Variants in MMP26 observed in about 807,000 individuals in gnomAD.
The protein encoded by MMP26 is matrix metallopeptidase 26, also known as matrix metalloproteinase-26.
A neutral mutation model predicts 31.0 loss-of-function variants in MMP26; 33 were observed. That is an observed-to-expected ratio of 1.06 (90% CI 0.81 to 1.42). The LOEUF (loss-of-function observed/expected upper bound fraction) is 1.42, where lower values mean the gene tolerates loss of function less well. MMP26 is among the 40% of genes most tolerant of loss of function. The pLI, the probability that MMP26 is intolerant of heterozygous loss-of-function variation, is 0.00. For missense variants in MMP26, 347 were observed against 316.1 expected, an observed-to-expected ratio of 1.10 and a Z score of -0.74; for synonymous variants, 122 against 114.9, an observed-to-expected ratio of 1.06 and a Z score of -0.40.
intron 1 of MMP26, among the ~76,000 whole-genome samples, chr11:4,746,831 T>TCTCACACACACA (rs1001819512): frequency 7.3e-6 from 1 of 137,218 alleles, no homozygotes; most frequent in African/African-American, 2.8e-5. Flanking sequence ...TAAGTCTCTG[T>TCTCACACACACA]CACACACACA....
At position 4,845,728 on chromosome 11, in the gene MMP26, G is replaced by T. The variant is rs78850393; in HGVS notation, c.-145+78387G>T. ...AGGATTAATAACTAGAATATATAAG[G>T]AGCTCTACAACTCCACATGGAAAAA... On this transcript the variant is annotated intron_variant, in intron 2 of 7. Coordinates refer to ENST00000380390, the MANE Select transcript of MMP26 (RefSeq NM_021801.5). Among the ~76,000 whole-genome samples the T allele has an allele frequency of 8.1e-3, 1,237 of 152,122 alleles. 21 individuals are homozygous for T. The highest frequency in any genetic ancestry group is 0.029 in the African/African-American group (1,187 of 41,512).
intron 2 of MMP26, among the ~76,000 whole-genome samples, chr11:4,868,866 A>G (rs530218705): frequency 6.6e-6 from 1 of 152,324 alleles, no homozygotes; most frequent in South Asian, 2.1e-4. Context: ...GTACCAAAAC[A>G]GAGATACAGA....
chr11:4,860,108 G>A (rs1313421952), intron 2 of MMP26: 10 of 470,932 alleles, frequency 2.1e-5, no homozygotes, highest in Middle Eastern at 3.2e-4. Flanking sequence ...CAGACTGCCC[G>A]GGTGAGGACA....
chr11:4,907,979 C>T (rs866063215), intron 2 of MMP26: 1 of 1,614,170 alleles, frequency 6.2e-7, no homozygotes, highest in Middle Eastern at 1.6e-4. Flanking sequence ...CTTCATTGCT[C>T]TCTGTACTAT....
chr11:4,799,409 T>A (rs1284156423), intron 2 of MMP26, among the ~76,000 whole-genome samples: 1 of 151,922 alleles, frequency 6.6e-6, no homozygotes, highest in Admixed American at 6.6e-5. Flanking sequence ...AGCTCTCACA[T>A]GAACTAACTG....
chr11:4,742,064 T>C lies in MMP26; in HGVS notation c.-216-25206T>C, dbSNP rs73390864. ...AGAAACCCTGCTCTAACGCACAGCATGAGCCAGAAATGGAGCAGTGGTGAG... is the reference window on the plus strand; with the variant it reads ...AGAAACCCTGCTCTAACGCACAGCACGAGCCAGAAATGGAGCAGTGGTGAG... On this transcript the variant is annotated intron_variant, in intron 1 of 7. Coordinates refer to ENST00000380390, the MANE Select transcript of MMP26 (RefSeq NM_021801.5). 4.5e-3 allele frequency among the ~76,000 whole-genome samples: 681 copies of C among 152,302 alleles called. 4 individuals carry two copies. Among genetic ancestry groups the C allele is most frequent in the African/African-American group, 0.015 (610 of 41,570 alleles).
intron 2 of MMP26, among the ~76,000 whole-genome samples, chr11:4,920,210 C>A (rs899733260): frequency 1.3e-5 from 2 of 152,088 alleles, no homozygotes; most frequent in East Asian, 3.9e-4. Flanking sequence ...GAAACCTAAG[C>A]CTTCTTCTCT....
rs1847754124 is a variant in MMP26, at chr11:4,704,837, C to T, written c.-425C>T. 6.6e-6 allele frequency: 1 copy of T among 152,144 alleles called. No homozygotes were observed. 9.4% of individuals were successfully genotyped at this position (152,144 alleles called of 1,614,324 possible). A position where few individuals can be genotyped will look rare whatever the true frequency, so the allele number is the denominator to read the frequency against. ...ATGTTTTCTCCTGGCAGAAGAGGACCTCTTTGTCCAGGGGCAGGGCTGATC... is the reference window on the plus strand; with the variant it reads ...ATGTTTTCTCCTGGCAGAAGAGGACTTCTTTGTCCAGGGGCAGGGCTGATC... On this transcript the variant is annotated 5_prime_UTR_variant, in exon 1 of 8. Transcript: ENST00000380390.
chr11:4,804,008 A>G (rs1347009938), intron 2 of MMP26: 1 of 1,613,992 alleles, frequency 6.2e-7, no homozygotes, highest in Non-Finnish European at 8.5e-7. Flanking sequence ...GCCACGTAGC[A>G]GTCCAGGGCC....
rs1225740947 is a variant in MMP26, at chr11:4,949,749, C to G, written c.-144-38319C>G. On this transcript the variant is annotated intron_variant, in intron 2 of 7. Transcript: ENST00000380390. The stretch of plus-strand genomic sequence containing the variant: ...GAAATATGATATAAAATAATGTCAT[C>G]AAAGCAGAAATTTCATTCCTTAACA... Among the ~76,000 whole-genome samples, 5 of 123,048 alleles carry G rather than the reference C, an allele frequency of 4.1e-5. 2 individuals carry two copies. Among genetic ancestry groups the G allele is most frequent in the Non-Finnish European group, 9.2e-5 (5 of 54,156 alleles). 80.7% of individuals were successfully genotyped at this position (123,048 alleles called of 152,430 possible). A position where few individuals can be genotyped will look rare whatever the true frequency, so the allele number is the denominator to read the frequency against.
At chr11:4,893,273 T>C (rs1850654373) in intron 2 of MMP26, among the ~76,000 whole-genome samples, 1 of 152,180 alleles carries the variant, frequency 6.6e-6, no homozygotes, top group Non-Finnish European at 1.5e-5. Flanking sequence ...AATATTTAAT[T>C]ATAAAATCCT....
At chr11:4,990,009 A>G (rs780860348) in intron 4 of MMP26, 141 bp downstream of exon 4, 5 of 642,590 alleles carry the variant, frequency 7.8e-6, no homozygotes, top group Non-Finnish European at 1.4e-5. Context: ...CCCTCAGAGA[A>G]GGTAATACTA....
chr11:4,768,070 TGTGA>T (rs377099967), intron 2 of MMP26, among the ~76,000 whole-genome samples: 28,266 of 152,224 alleles, frequency 0.19, 4,002 homozygotes, highest in African/African-American at 0.4. Flanking sequence ...TAATGGCATT[TGTGA>T]AAACTGTGAA....
At chr11:4,907,664 G>T (rs1385513404) in intron 2 of MMP26, 2 of 1,613,976 alleles carry the variant, frequency 1.2e-6, no homozygotes, top group Admixed American at 3.3e-5. Flanking sequence ...TGCCTGCTTT[G>T]CTCAAGAATT....
chr11:4,852,503 C>T (rs373308472), intron 2 of MMP26, among the ~76,000 whole-genome samples: 86 of 152,166 alleles, frequency 5.7e-4, no homozygotes, highest in African/African-American at 1.9e-3. Context: ...ATTCATTTCT[C>T]AAATCAATAA....
intron 2 of MMP26, chr11:4,909,239 A>G (rs1850953740): frequency 6.6e-6 from 1 of 152,128 alleles, no homozygotes; most frequent in South Asian, 2.1e-4. Flanking sequence ...TTATATTTTA[A>G]ACTTTTTTTC....
intron 1 of MMP26, among the ~76,000 whole-genome samples, chr11:4,721,504 C>T (rs1848013131): frequency 6.6e-6 from 1 of 152,206 alleles, no homozygotes; most frequent in Admixed American, 6.5e-5. Flanking sequence ...CAAGTTGTGT[C>T]TGAGTCAATG....
At chr11:4,821,380 T>G in intron 2 of MMP26, 1 of 1,607,012 alleles carries the variant, frequency 6.2e-7, no homozygotes, top group Non-Finnish European at 8.5e-7. Flanking sequence ...TTATGTGTTA[T>G]GTTAAATGAC....
At chr11:4,853,814 C>G (rs2133502543) in intron 2 of MMP26, among the ~76,000 whole-genome samples, 1 of 152,068 alleles carries the variant, frequency 6.6e-6, no homozygotes, top group African/African-American at 2.4e-5. Flanking sequence ...AATCTTGATT[C>G]TAAAGCCAAA....
Sources: allele counts gnomAD v4.1 joint callset (sites outside exome capture counted in the v4.1 genomes callset), GRCh38; gene constraint gnomAD v4.1.1; transcripts MANE v1.5; gene names NCBI Gene and HGNC (gene_info 2026-07-23, HGNC 2026-07-21).